The following RIPK1 variants were observed in gnomAD, a reference collection of about 807,000 sequenced individuals.
RIPK1 encodes the protein receptor-interacting serine/threonine-protein kinase 1.
RIPK1 carries 27 observed loss-of-function variants against 62.4 expected under a neutral mutation model. The observed-to-expected ratio is 0.43, with a 90% confidence interval of 0.32 to 0.60. RIPK1 has a LOEUF of 0.60. Ranked by LOEUF, RIPK1 falls within the 20% of genes least tolerant of loss-of-function variation. The pLI is 0.07. For missense variants in RIPK1, 735 were observed against 831.0 expected (o/e 0.88, Z 1.42); for synonymous variants, 287 against 303.2 (o/e 0.95, Z 0.55).
At chr6:3,085,174 A>G (rs997651392) in intron 5 of RIPK1, 85 bp from the exon 6 acceptor site, 1 of 1,469,376 alleles carries the variant, frequency 6.8e-7, no homozygotes, top group Non-Finnish European at 9.5e-7. Context: ...CCAGAGGCTG[A>G]GAAAAATGAG....
chr6:3,110,498 G>C (rs368890251), intron 9 of RIPK1, among the ~76,000 whole-genome samples: 1 of 151,950 alleles, frequency 6.6e-6, no homozygotes, highest in Non-Finnish European at 1.5e-5. Context: ...GTGAGCCACC[G>C]CACCTGGCCC....
intron 7 of RIPK1, among the ~76,000 whole-genome samples, chr6:3,099,735 T>A (rs1172087834): frequency 6.6e-6 from 1 of 152,186 alleles, no homozygotes; most frequent in African/African-American, 2.4e-5. Flanking sequence ...TACAGTGTGT[T>A]GGTGAAAATG....
chr6:3,094,090 CT>C (rs1448825878), intron 7 of RIPK1, among the ~76,000 whole-genome samples: 1 of 140,314 alleles, frequency 7.1e-6, no homozygotes. Context: ...CGCCTACCTC[CT>C]GCACCTAGTA....
At chr6:3,073,719 G>A (rs1470057302) in intron 1 of RIPK1, among the ~76,000 whole-genome samples, 1 of 151,944 alleles carries the variant, frequency 6.6e-6, no homozygotes, top group African/African-American at 2.4e-5. Context: ...AGGTGTAGAA[G>A]GCTGGTTACC....
chr6:3,102,866 G>T (rs1358711968), intron 7 of RIPK1, among the ~76,000 whole-genome samples: 1 of 152,128 alleles, frequency 6.6e-6, no homozygotes, highest in African/African-American at 2.4e-5. Flanking sequence ...AAAGTGCTGG[G>T]ATTACAGGCG....
upstream of RIPK1, chr6:3,068,350 G>A (rs983403475): frequency 2.0e-6 from 2 of 985,410 alleles, no homozygotes; most frequent in Non-Finnish European, 2.4e-6. Context: ...CCACTCGCTT[G>A]AAAACAAAGT....
chr6:3,104,346 T>C (rs1392206466), intron 8 of RIPK1, 31 bp downstream of exon 8: 2 of 1,196,652 alleles, frequency 1.7e-6, no homozygotes, highest in Admixed American at 3.5e-5. Context: ...AATCTATTCA[T>C]TTATTTGTTT....
chr6:3,110,753 C>T (rs766647224), intron 9 of RIPK1, 50 bp from the exon 10 acceptor site: 2 of 1,263,896 alleles, frequency 1.6e-6, no homozygotes, highest in African/African-American at 1.5e-5. Flanking sequence ...GTATTTTTTT[C>T]TCTTGCTTTT....
At chr6:3,111,773 T>C (rs1362668467) in intron 10 of RIPK1, among the ~76,000 whole-genome samples, 1 of 152,184 alleles carries the variant, frequency 6.6e-6, no homozygotes, top group Non-Finnish European at 1.5e-5. Context: ...GAACAGAACT[T>C]GCGAATGGTC....
chr6:3,074,132 C>T (rs1471045385), intron 1 of RIPK1, among the ~76,000 whole-genome samples: 5 of 152,218 alleles, frequency 3.3e-5, no homozygotes, highest in Non-Finnish European at 7.3e-5. Context: ...GCCTGCAACC[C>T]TAGCCCCCGT....
intron 1 of RIPK1, among the ~76,000 whole-genome samples, chr6:3,070,470 C>G (rs1758651925): frequency 6.6e-6 from 1 of 152,092 alleles, no homozygotes; most frequent in Non-Finnish European, 1.5e-5. Context: ...CAGAGTCTTG[C>G]TCTGTCACCC....
rs370564571 is a variant in RIPK1 at position 3,094,580 on chromosome 6, CAT to C, written c.915+4942_915+4943del. Among the ~76,000 whole-genome samples the C allele has an allele frequency of 7.3e-3, 1,012 of 139,180 alleles. 7 individuals are homozygous for C. The highest frequency in any genetic ancestry group is 0.019 in the South Asian group (86 of 4,536). 91.3% of individuals were successfully genotyped at this position (139,180 alleles called of 152,430 possible). On this transcript the variant is annotated intron_variant, in intron 7 of 10. Transcript: ENST00000259808. ...TATAACCTTAAATAAATAAATATTT[CAT>C]ATATATATATATATATATGAAGAAA...
At chr6:3,068,356 A>G (rs1455836784), upstream of RIPK1, 6 of 985,426 alleles carry the variant, frequency 6.1e-6, no homozygotes, top group African/African-American at 7.0e-5. Flanking sequence ...GCTTGAAAAC[A>G]AAGTCCGCGA....
intron 3 of RIPK1, among the ~76,000 whole-genome samples, chr6:3,078,387 A>G (rs17548322): frequency 1.9e-3 from 291 of 152,242 alleles, no homozygotes; most frequent in African/African-American, 6.8e-3. Flanking sequence ...AAAAAGAGAA[A>G]ATCTTCCTTG....
At position 3,100,070 on chromosome 6, in the gene RIPK1, A is replaced by G. The variant is rs558902967; in HGVS notation, c.916-4155A>G. Among the ~76,000 whole-genome samples, 547 of 152,326 alleles carry G rather than the reference A, an allele frequency of 3.6e-3. 2 individuals are homozygous for G. The highest frequency in any genetic ancestry group is 6.5e-3 in the Non-Finnish European group (444 of 68,028). On this transcript the variant is annotated intron_variant, in intron 7 of 10. Transcript: ENST00000259808. ...AGAAAGATCTTCAAGATTAGCTGTTAGTGAAAAAAATAAGTCACAAAACAA... is the reference window on the plus strand; with the variant it reads ...AGAAAGATCTTCAAGATTAGCTGTTGGTGAAAAAAATAAGTCACAAAACAA...
intron 7 of RIPK1, among the ~76,000 whole-genome samples, chr6:3,095,224 T>C (rs1278983202): frequency 1.3e-5 from 2 of 152,186 alleles, no homozygotes; most frequent in Non-Finnish European, 2.9e-5. Flanking sequence ...ACCAATGTCT[T>C]TAAAAAGTTC....
At chr6:3,094,245 T>TA (rs1581415713) in intron 7 of RIPK1, among the ~76,000 whole-genome samples, 1 of 152,138 alleles carries the variant, frequency 6.6e-6, no homozygotes, top group African/African-American at 2.4e-5. Flanking sequence ...CACCTACCTT[T>TA]AAAGGCTTTT....
At chr6:3,100,625 C>G (rs1760544125) in intron 7 of RIPK1, among the ~76,000 whole-genome samples, 2 of 152,036 alleles carry the variant, frequency 1.3e-5, no homozygotes, top group South Asian at 4.2e-4. Flanking sequence ...CGGTCTTACT[C>G]TGTCACCCAG....
chr6:3,073,052 C>G (rs1397295478), intron 1 of RIPK1, among the ~76,000 whole-genome samples: 3 of 152,002 alleles, frequency 2.0e-5, no homozygotes. Context: ...GCTGGGCCAA[C>G]CATAGCTAGA....
Sources: allele counts gnomAD v4.1 joint callset (sites outside exome capture counted in the v4.1 genomes callset), GRCh38; gene constraint gnomAD v4.1.1; transcripts MANE v1.5; gene names NCBI Gene and HGNC (gene_info 2026-07-23, HGNC 2026-07-21).